COL4A5: variants seen among roughly 807,000 people sequenced by gnomAD.
The protein encoded by COL4A5 is collagen type IV alpha 5 chain.
In COL4A5, 26 loss-of-function variants were observed where a neutral mutation model predicts 130.2. The observed-to-expected ratio is 0.20, with a 90% confidence interval of 0.15 to 0.28. The LOEUF (loss-of-function observed/expected upper bound fraction) is 0.28, where lower values mean the gene tolerates loss of function less well. COL4A5 is among the 10% of genes least tolerant of loss of function. The pLI is 1.00. For synonymous variants in COL4A5, 496 were observed against 439.6 expected (o/e 1.13, Z -1.60); for missense variants, 1,131 against 1,344.3 (o/e 0.84, Z 2.48).
chrX:108,525,809 C>G (rs1234056732), intron 1 of COL4A5, among the ~76,000 whole-genome samples: 1 of 111,270 alleles, frequency 9.0e-6, no homozygotes, highest in Non-Finnish European at 1.9e-5. Flanking sequence ...GAACACTGTT[C>G]CCCTTCTTTT....
At chrX:108,580,809 C>A in intron 15 of COL4A5, 71 bp downstream of exon 15, 1 of 1,003,752 alleles carries the variant, frequency 1.0e-6, no homozygotes, top group Non-Finnish European at 1.4e-6. Context: ...TTTATTCTTT[C>A]TTCCTACATC....
chrX:108,553,082 A>G (rs771524017), intron 2 of COL4A5, among the ~76,000 whole-genome samples: 3 of 111,801 alleles, frequency 2.7e-5, no homozygotes, highest in Non-Finnish European at 5.6e-5. Context: ...ATAAAAGTTA[A>G]CTCAAAATGC....
At chrX:108,552,922 C>T (rs952297590) in intron 2 of COL4A5, among the ~76,000 whole-genome samples, 1 of 111,895 alleles carries the variant, frequency 8.9e-6, no homozygotes, top group African/African-American at 3.2e-5. Flanking sequence ...AAATGATAGA[C>T]ATATAGATGA....
At chrX:108,479,474 G>T (rs867328425) in intron 1 of COL4A5, among the ~76,000 whole-genome samples, 3 of 112,181 alleles carry the variant, frequency 2.7e-5, no homozygotes, top group African/African-American at 9.7e-5. Context: ...GAAAGGGACC[G>T]TAGTGTTGCA....
At position 108,599,761 on chromosome X, in the gene COL4A5, G is replaced by T. The variant is rs376565968; in HGVS notation, c.1948+891G>T. ...TTCACTTTTGTCTGTGGTTGTTTTT[G>T]CACTACAACTGAAGAGTTGAGTAGT... On this transcript the variant is annotated intron_variant, in intron 25 of 52. Coordinates refer to ENST00000328300, the MANE Select transcript of COL4A5 (RefSeq NM_033380.3). 1.9e-3 allele frequency among the ~76,000 whole-genome samples: 215 copies of T among 111,995 alleles called. 2 individuals carry two copies. The East Asian group carries it at 0.056, about 29-fold the overall frequency.
rs185947827 is a variant in COL4A5, at chrX:108,629,452, G to A, written c.3246+3103G>A. On this transcript the variant is annotated intron_variant, in intron 36 of 52. Transcript: ENST00000328300. Reference sequence around the variant, plus strand: ...GGCTTGGATCAAGATAGTGGCAGGGGAAGTGATAAGAAATGGGCAGATTTT... The same window carrying A: ...GGCTTGGATCAAGATAGTGGCAGGGAAAGTGATAAGAAATGGGCAGATTTT... Among the ~76,000 whole-genome samples the A allele has an allele frequency of 8.1e-5, 9 of 110,869 alleles. No homozygotes were observed. The East Asian group carries it at 2.3e-3, about 28-fold the overall frequency.
At chrX:108,638,418 G>A (rs1190732712) in intron 36 of COL4A5, among the ~76,000 whole-genome samples, 1 of 110,366 alleles carries the variant, frequency 9.1e-6, no homozygotes, top group African/African-American at 3.3e-5. Context: ...GAATAGAAGC[G>A]AACTATCTAC....
At chrX:108,624,124 C>A (rs902154303) in intron 33 of COL4A5, 112 bp from the exon 34 acceptor site, 18 of 585,100 alleles carry the variant, frequency 3.1e-5, no homozygotes, top group Non-Finnish European at 4.0e-5. Flanking sequence ...CAGAATATCA[C>A]CAGTTCCTCT....
At chrX:108,575,734 G>A (rs971579197) in intron 9 of COL4A5, among the ~76,000 whole-genome samples, 176 bp from the exon 10 acceptor site, 1 of 112,075 alleles carries the variant, frequency 8.9e-6, no homozygotes, top group African/African-American at 3.2e-5. Context: ...CTACTCAGGA[G>A]GCTGAGGCAG....
At chrX:108,566,977 C>G (rs1026570342) in intron 4 of COL4A5, among the ~76,000 whole-genome samples, 4 of 112,094 alleles carry the variant, frequency 3.6e-5, no homozygotes, top group African/African-American at 1.3e-4. Flanking sequence ...CCTCATCTCT[C>G]TCTCTATTGA....
intron 36 of COL4A5, among the ~76,000 whole-genome samples, chrX:108,643,942 A>G (rs770085203): frequency 1.1e-4 from 12 of 112,102 alleles, no homozygotes; most frequent in African/African-American, 2.9e-4. Context: ...AAAGATATAG[A>G]ACTACAGAAT....
chrX:108,472,550 A>G (rs1334598791), intron 1 of COL4A5, among the ~76,000 whole-genome samples: 1 of 111,990 alleles, frequency 8.9e-6, no homozygotes, highest in Admixed American at 9.5e-5. Flanking sequence ...ATGTTGACGA[A>G]TTTACACTTT....
intron 28 of COL4A5, 144 bp downstream of exon 28, chrX:108,603,205 A>T (rs1449596242): frequency 2.5e-6 from 1 of 397,271 alleles, no homozygotes; most frequent in Admixed American, 4.6e-5. Flanking sequence ...ATTTCCATTA[A>T]AAAAATATTT....
intron 1 of COL4A5, among the ~76,000 whole-genome samples, chrX:108,500,202 C>T (rs1338583146): frequency 9.0e-6 from 1 of 111,715 alleles, no homozygotes; most frequent in Admixed American, 9.5e-5. Flanking sequence ...CAAAATACTG[C>T]GTGGTAATTA....
chrX:108,660,254 C>T (rs997745185), intron 37 of COL4A5, among the ~76,000 whole-genome samples: 1 of 111,382 alleles, frequency 9.0e-6, no homozygotes, highest in Non-Finnish European at 1.9e-5. Context: ...ATTACTATTG[C>T]TTTAAACAGC....
At chrX:108,494,204 G>A (rs758248027) in intron 1 of COL4A5, among the ~76,000 whole-genome samples, 5 of 111,385 alleles carry the variant, frequency 4.5e-5, no homozygotes, top group Non-Finnish European at 7.6e-5. Context: ...TATTGAGACT[G>A]AATAAAAGAT....
Position 108,620,265 on chromosome X carries a change from A to C in COL4A5, c.2516A>C (p.His839Pro), listed in dbSNP as rs1272041306. The C allele has an allele frequency of 8.3e-7, 1 of 1,205,775 alleles. No homozygotes were observed. Among genetic ancestry groups the C allele is most frequent in the East Asian group, 3.0e-5 (1 of 33,787 alleles). Reference protein sequence around the residue: ...IPGPIGQPGLHGIPGEKGDPG... With the variant: ...IPGPIGQPGLPGIPGEKGDPG... ...TTGATATTGTATTAACTAGGTTTAC[A>C]TGGAATACCAGGAGAGAAGGGGGAT... The change falls in exon 31 of 53, where the codon CAT becomes CCT. Residue 839 changes from histidine (H) to proline (P), a missense_variant. By Grantham distance (77) the His-to-Pro change is moderately conservative. Coordinates refer to ENST00000328300, the MANE Select transcript of COL4A5 (RefSeq NM_033380.3).
At chrX:108,544,888 T>G (rs1207718559) in intron 2 of COL4A5, among the ~76,000 whole-genome samples, 2 of 112,254 alleles carry the variant, frequency 1.8e-5, no homozygotes, top group African/African-American at 6.5e-5. Flanking sequence ...TTTTCTAGTT[T>G]ATTTGCGTAG....
At chrX:108,572,359 G>A (rs1008228630) in intron 8 of COL4A5, among the ~76,000 whole-genome samples, 3 of 111,597 alleles carry the variant, frequency 2.7e-5, no homozygotes, top group Non-Finnish European at 3.8e-5. Context: ...TTAGCTATGT[G>A]TATTCATCAG....
Sources: allele counts gnomAD v4.1 joint callset (sites outside exome capture counted in the v4.1 genomes callset), GRCh38; gene constraint gnomAD v4.1.1; transcripts MANE v1.5; gene names NCBI Gene and HGNC (gene_info 2026-07-23, HGNC 2026-07-21).